Variants in TGM5 observed in about 807,000 individuals in gnomAD.
TGM5 encodes the protein transglutaminase 5, also known as protein-glutamine gamma-glutamyltransferase 5.
In TGM5, 69 loss-of-function variants were observed where a neutral mutation model predicts 77.2. The observed-to-expected ratio is 0.89, with a 90% CI of 0.74 to 1.09. The LOEUF (loss-of-function observed/expected upper bound fraction) is 1.09. TGM5 is among the 50% of genes least tolerant of loss of function. TGM5 has a pLI of 0.00. For missense variants in TGM5, 842 were observed against 896.5 expected, an observed-to-expected ratio of 0.94 and a Z score of 0.78; for synonymous variants, 346 against 351.8, an observed-to-expected ratio of 0.98 and a Z score of 0.18.
At chr15:43,245,339 T>A (rs1160476338) in intron 6 of TGM5, among the ~76,000 whole-genome samples, 1 of 152,188 alleles carries the variant, frequency 6.6e-6, no homozygotes. Flanking sequence ...AATTTCTCCC[T>A]GAACGCATTA....
intron 7 of TGM5, 27 bp downstream of exon 7, chr15:43,240,825 G>A (rs1358508331): frequency 4.3e-6 from 7 of 1,613,830 alleles, no homozygotes; most frequent in Admixed American, 1.7e-5. Context: ...TGTGGCCCTA[G>A]AAATAGGTTG....
intron 6 of TGM5, among the ~76,000 whole-genome samples, chr15:43,247,259 A>C (rs2042675380): frequency 6.6e-6 from 1 of 152,198 alleles, no homozygotes; most frequent in South Asian, 2.1e-4. Flanking sequence ...GGAATAAAAC[A>C]AAATCCAGTT....
In TGM5 at chr15:43,260,528, T is replaced by A. The variant is rs2042777979; in HGVS notation, c.62A>T (p.His21Leu). 6.2e-7 allele frequency: 1 copy of A among 1,614,000 alleles called. No individual in the cohort carries two copies. Among genetic ancestry groups the A allele is most frequent in the Non-Finnish European group, 8.5e-7 (1 of 1,180,004 alleles). The change falls in exon 2 of 13, where the codon CAC becomes CTC. Residue 21 changes from histidine to leucine, a missense_variant. Physicochemically the swap from His to Leu is moderately conservative, Grantham distance 99 (BLOSUM62 -3). This residue lies in a region of TGM5 where 815 missense variants were observed against 844.6 expected (regional missense o/e 0.96). Coordinates refer to ENST00000220420, the MANE Select transcript of TGM5 (RefSeq NM_201631.4). ...DLQSSRNNVR[H>L]HTEEITVDHL... ...GTCCACAGTGATCTCCTCCGTGTGG[T>A]GCCGCACATTATTTCTGGAGCTCTG...
At chr15:43,265,369 C>T (rs1354271737) in intron 1 of TGM5, among the ~76,000 whole-genome samples, 1 of 152,210 alleles carries the variant, frequency 6.6e-6, no homozygotes, top group Non-Finnish European at 1.5e-5. Context: ...AAGAAGCTTG[C>T]CCCCTTTGGA....
chr15:43,233,052 T>G lies in TGM5; in HGVS notation c.*139A>C. The G allele has an allele frequency of 9.4e-7, 1 of 1,065,112 alleles. No homozygotes were observed. Among genetic ancestry groups the G allele is most frequent in the Non-Finnish European group, 1.4e-6 (1 of 737,774 alleles). The allele number at this position is 1,065,112 out of a possible 1,614,324, so 66.0% of individuals were successfully genotyped here. A position where few individuals can be genotyped will look rare whatever the true frequency, so the allele number is the denominator to read the frequency against. ...TAGTGGAGTCAGGAGAGACAGAAAATGAACACGTCATCCCCTCTGTGGCTC... is the reference window on the plus strand; with the variant it reads ...TAGTGGAGTCAGGAGAGACAGAAAAGGAACACGTCATCCCCTCTGTGGCTC... On this transcript the variant is annotated 3_prime_UTR_variant, in exon 13 of 13. Coordinates refer to ENST00000220420, the MANE Select transcript of TGM5 (RefSeq NM_201631.4).
chr15:43,259,736 T>C (rs1252106837), intron 3 of TGM5, among the ~76,000 whole-genome samples: 5 of 152,226 alleles, frequency 3.3e-5, no homozygotes, highest in African/African-American at 4.8e-5. Flanking sequence ...GTGCATTCGT[T>C]CCTTTTATAA....
At chr15:43,264,468 T>C (rs2042811778) in intron 1 of TGM5, among the ~76,000 whole-genome samples, 2 of 152,256 alleles carry the variant, frequency 1.3e-5, no homozygotes, top group Non-Finnish European at 2.9e-5. Flanking sequence ...ATACTAAATA[T>C]GGATGAACCT....
In TGM5 at chr15:43,241,000, G is replaced by T; in HGVS notation, c.863-10C>A. On this transcript the variant is annotated splice_polypyrimidine_tract_variant and intron_variant, in intron 6 of 12. Transcript: ENST00000220420. ...CCCAGACACCTCATCACTGCAAAAA[G>T]GGCACAAAAAAATCACCTGTGAGCT... is the stretch of plus-strand genomic sequence containing the variant. 1 of 1,614,110 alleles carries T rather than the reference G, an allele frequency of 6.2e-7. No individual in the cohort carries two copies. The highest frequency in any genetic ancestry group is 8.5e-7 in the Non-Finnish European group (1 of 1,180,014).
intron 4 of TGM5, among the ~76,000 whole-genome samples, chr15:43,254,696 G>A (rs1320002666): frequency 1.3e-5 from 2 of 151,998 alleles, no homozygotes; most frequent in South Asian, 2.1e-4. Context: ...TGTCTGCAGC[G>A]GGCCAAACCG....
At chr15:43,240,324 G>A (rs1018754540) in intron 7 of TGM5, among the ~76,000 whole-genome samples, 3 of 152,130 alleles carry the variant, frequency 2.0e-5, no homozygotes, top group Admixed American at 1.3e-4. Context: ...ATTACCATTA[G>A]GTCATACCAT....
intron 10 of TGM5, 62 bp from the exon 11 acceptor site, chr15:43,234,991 G>A (rs2042577658): frequency 6.3e-7 from 1 of 1,584,632 alleles, no homozygotes; most frequent in Admixed American, 1.7e-5. Context: ...ACCTGGGTTG[G>A]ACCTGGGTCT....
At chr15:43,251,795 C>T (rs2042705449) in intron 6 of TGM5, among the ~76,000 whole-genome samples, 1 of 152,250 alleles carries the variant, frequency 6.6e-6, no homozygotes, top group Admixed American at 6.5e-5. Flanking sequence ...TCATCTCCTC[C>T]TCTTGTCACC....
intron 7 of TGM5, among the ~76,000 whole-genome samples, chr15:43,240,344 C>T (rs141490599): frequency 2.2e-3 from 333 of 152,264 alleles, no homozygotes; most frequent in African/African-American, 7.7e-3. Context: ...TTTGTCCAAG[C>T]AGATTTCTAC....
At chr15:43,255,166 T>G (rs2042734490) in intron 4 of TGM5, among the ~76,000 whole-genome samples, 1 of 152,010 alleles carries the variant, frequency 6.6e-6, no homozygotes, top group Admixed American at 6.6e-5. Flanking sequence ...AGACCTCGTC[T>G]CTGCAAAAAA....
chr15:43,256,507 C>G (rs868648213), intron 4 of TGM5, 61 bp downstream of exon 4: 9 of 1,291,242 alleles, frequency 7.0e-6, no homozygotes, highest in Non-Finnish European at 9.0e-6. Context: ...TCACATGTGC[C>G]CTGCTCCCTC....
chr15:43,256,425 G>T, intron 4 of TGM5, 143 bp downstream of exon 4: 1 of 764,940 alleles, frequency 1.3e-6, no homozygotes, highest in Non-Finnish European at 2.4e-6. Flanking sequence ...TGCTCCTCGG[G>T]CAACCTGGGC....
intron 6 of TGM5, among the ~76,000 whole-genome samples, chr15:43,251,414 G>A (rs1258986489): frequency 6.6e-6 from 1 of 152,118 alleles, no homozygotes; most frequent in Non-Finnish European, 1.5e-5. Context: ...ACAGCCCAGA[G>A]ATGGGCCTGG....
intron 1 of TGM5, 59 bp from the exon 2 acceptor site, chr15:43,260,638 A>T (rs1167172792): frequency 6.3e-7 from 1 of 1,581,604 alleles, no homozygotes; most frequent in Non-Finnish European, 8.7e-7. Flanking sequence ...AATCCTGTCC[A>T]CCACTTACTA....
chr15:43,247,630 A>C (rs2042677648), intron 6 of TGM5: 1 of 151,826 alleles, frequency 6.6e-6, no homozygotes, highest in South Asian at 2.1e-4. Context: ...AGAGAAATGG[A>C]AGGTAAAAAA....
Sources: allele counts gnomAD v4.1 joint callset (sites outside exome capture counted in the v4.1 genomes callset), GRCh38; gene constraint gnomAD v4.1.1; regional missense constraint gnomAD v4.1.1; transcripts MANE v1.5; gene names NCBI Gene and HGNC (gene_info 2026-07-23, HGNC 2026-07-21).